The following TTC29 variants were observed in gnomAD, a reference collection of about 807,000 sequenced individuals.
TTC29 encodes the protein tetratricopeptide repeat protein 29.
A neutral mutation model predicts 58.1 loss-of-function variants in TTC29; 49 were observed. The ratio of observed to expected loss-of-function variants is 0.84; its 90% CI spans 0.67 to 1.07. TTC29 has a LOEUF of 1.07. Ranked by LOEUF, TTC29 falls within the 50% of genes least tolerant of loss-of-function variation. The pLI is 0.00. For missense variants in TTC29, 582 were observed against 555.6 expected (o/e 1.05, Z -0.48); for synonymous variants, 209 against 196.8 (o/e 1.06, Z -0.52).
At chr4:146,810,590 T>TC (rs1416299022) in intron 10 of TTC29, among the ~76,000 whole-genome samples, 1 of 122,890 alleles carries the variant, frequency 8.1e-6, no homozygotes, top group African/African-American at 3.0e-5. Flanking sequence ...CATACCTTCT[T>TC]TTTTTTTTTT....
At chr4:146,805,523 C>G (rs1282058891) in intron 10 of TTC29, among the ~76,000 whole-genome samples, 1 of 151,852 alleles carries the variant, frequency 6.6e-6, no homozygotes, top group Non-Finnish European at 1.5e-5. Context: ...CTAAAATAAC[C>G]AGTTTAGAAA....
At chr4:146,868,263 C>A (rs991302304) in intron 7 of TTC29, among the ~76,000 whole-genome samples, 8 of 151,934 alleles carry the variant, frequency 5.3e-5, no homozygotes, top group African/African-American at 1.9e-4. Flanking sequence ...AGGAGATATA[C>A]CTAATGTTAA....
intron 11 of TTC29, among the ~76,000 whole-genome samples, chr4:146,766,094 G>C (rs113968053): frequency 6.6e-5 from 10 of 152,156 alleles, no homozygotes; most frequent in African/African-American, 2.4e-4. Context: ...TAGTTCAACT[G>C]TGCTCAGCTA....
chr4:146,932,203 G>T (rs899571602), intron 4 of TTC29, among the ~76,000 whole-genome samples: 2 of 152,086 alleles, frequency 1.3e-5, no homozygotes, highest in Non-Finnish European at 2.9e-5. Flanking sequence ...TGAGAAAGAA[G>T]AAATTTTCTC....
At chr4:146,839,535 CGTGTGTGTGTGTGT>C (rs5862775) in intron 8 of TTC29, among the ~76,000 whole-genome samples, 11 of 140,562 alleles carry the variant, frequency 7.8e-5, no homozygotes, top group Admixed American at 2.9e-4. Flanking sequence ...TACATGAACT[CGTGTGTGTGTGTGT>C]GTGTGTGTGT....
intron 11 of TTC29, among the ~76,000 whole-genome samples, chr4:146,715,273 G>T (rs1169773261): frequency 6.6e-6 from 1 of 152,018 alleles, no homozygotes; most frequent in South Asian, 2.1e-4. Flanking sequence ...TTTATAAAAA[G>T]GAAATAAAAT....
At chr4:146,830,671 T>C (rs1472069095) in intron 9 of TTC29, among the ~76,000 whole-genome samples, 5 of 152,204 alleles carry the variant, frequency 3.3e-5, no homozygotes, top group Non-Finnish European at 7.3e-5. Flanking sequence ...CATAATTTCC[T>C]CTATTTGGGC....
chr4:146,821,791 G>A (rs1579757859), intron 9 of TTC29, among the ~76,000 whole-genome samples: 1 of 152,078 alleles, frequency 6.6e-6, no homozygotes, highest in African/African-American at 2.4e-5. Flanking sequence ...AACTTTGGGA[G>A]CCTAGCAAAT....
chr4:146,817,778 A>T (rs1189402891), intron 10 of TTC29, among the ~76,000 whole-genome samples: 1 of 152,192 alleles, frequency 6.6e-6, no homozygotes, highest in South Asian at 2.1e-4. Flanking sequence ...AAATAACGCC[A>T]TGTATCTACA....
intron 10 of TTC29, among the ~76,000 whole-genome samples, chr4:146,805,543 A>G (rs1268005796): frequency 6.6e-6 from 1 of 152,022 alleles, no homozygotes; most frequent in Non-Finnish European, 1.5e-5. Flanking sequence ...AAGAACATAA[A>G]TTACCTGATG....
At chr4:146,778,976 CAAAAAAAAA>C (rs369374851) in intron 11 of TTC29, among the ~76,000 whole-genome samples, 3 of 28,536 alleles carry the variant, frequency 1.1e-4, no homozygotes, top group Non-Finnish European at 1.6e-4. Context: ...CCTAAATAAG[CAAAAAAAAA>C]AAAAAAAAAA....
chr4:146,814,450 G>A (rs1016398943), intron 10 of TTC29, among the ~76,000 whole-genome samples: 1 of 151,426 alleles, frequency 6.6e-6, no homozygotes, highest in Admixed American at 6.6e-5. Flanking sequence ...GTGGGGGGAC[G>A]GGCACGGTGG....
intron 7 of TTC29, among the ~76,000 whole-genome samples, chr4:146,868,597 C>T (rs1051541620): frequency 6.6e-6 from 1 of 151,968 alleles, no homozygotes; most frequent in African/African-American, 2.4e-5. Context: ...AAGCAAAATG[C>T]GTAAAGATAC....
At chr4:146,866,566 A>G (rs547712408) in intron 8 of TTC29, among the ~76,000 whole-genome samples, 8 of 152,228 alleles carry the variant, frequency 5.3e-5, no homozygotes, top group Non-Finnish European at 1.0e-4. Flanking sequence ...ACCCCTCAAG[A>G]GAAGTGTGCA....
rs932491043 is a variant in TTC29 at position 146,908,735 on chromosome 4, C to T, written c.400+291G>A. ...AGAAAAACTGTAGAAAGGTTTAAAC[C>T]TAATGATAGGAACTATGTTAATTCA... On this transcript the variant is annotated intron_variant, in intron 5 of 12. Transcript: ENST00000325106. Among the ~76,000 whole-genome samples, 71 of 152,216 alleles carry T rather than the reference C, an allele frequency of 4.7e-4. 1 individual carries two copies. Among genetic ancestry groups the T allele is most frequent in the African/African-American group, 1.6e-3 (68 of 41,544 alleles).
At chr4:146,741,679 C>T (rs1298982158) in intron 11 of TTC29, among the ~76,000 whole-genome samples, 1 of 152,166 alleles carries the variant, frequency 6.6e-6, no homozygotes, top group African/African-American at 2.4e-5. Flanking sequence ...CCAAGAATCT[C>T]TGGCCATATT....
chr4:146,789,722 T>C (rs1385241652), intron 11 of TTC29, among the ~76,000 whole-genome samples: 1 of 152,182 alleles, frequency 6.6e-6, no homozygotes, highest in Admixed American at 6.5e-5. Flanking sequence ...AGTTCTGTTT[T>C]GTCAAACTCT....
intron 11 of TTC29, among the ~76,000 whole-genome samples, chr4:146,764,859 T>C (rs1246078089): frequency 6.6e-6 from 1 of 152,108 alleles, no homozygotes; most frequent in Admixed American, 6.6e-5. Context: ...GTTGGTGTTT[T>C]TTCTTATTGC....
intron 11 of TTC29, among the ~76,000 whole-genome samples, chr4:146,771,835 G>C (rs547462635): frequency 1.3e-5 from 2 of 151,856 alleles, no homozygotes; most frequent in African/African-American, 4.8e-5. Context: ...CCTGCCTTCC[G>C]CAATGGCTGA....
Sources: allele counts gnomAD v4.1 joint callset (sites outside exome capture counted in the v4.1 genomes callset), GRCh38; gene constraint gnomAD v4.1.1; transcripts MANE v1.5; gene names NCBI Gene and HGNC (gene_info 2026-07-23, HGNC 2026-07-21).